The following LRRC74B variants were observed in gnomAD, a reference collection of about 807,000 sequenced individuals.
LRRC74B encodes the protein leucine-rich repeat-containing protein 74B.
In LRRC74B, 30 loss-of-function variants were observed where a neutral mutation model predicts 16.6. The ratio of observed to expected loss-of-function variants is 1.80; its 90% CI spans 1.35 to 2.45. The LOEUF is 2.45. Among genes scored for constraint, LRRC74B ranks in the 30% most tolerant of loss-of-function variants. The probability of loss-of-function intolerance (pLI) is 0.00; values close to 1 mark genes in which losing one functional copy is unlikely to be tolerated. For synonymous variants in LRRC74B, 134 were observed against 86.0 expected, an observed-to-expected ratio of 1.56 and a Z score of -3.09; for missense variants, 326 against 202.4, an observed-to-expected ratio of 1.61 and a Z score of -3.71.
downstream of LRRC74B, chr22:21,061,765 A>G (rs1472241885): frequency 1.3e-5 from 2 of 152,090 alleles, no homozygotes; most frequent in Non-Finnish European, 2.9e-5. Context: ...CCCCACAAGA[A>G]CTCGTGCATG....
At chr22:21,060,328 C>A (rs1930748956) in intron 8 of LRRC74B, 45 bp from the exon 9 acceptor site, 3 of 641,936 alleles carry the variant, frequency 4.7e-6, no homozygotes, top group South Asian at 1.8e-5. Context: ...TGGTGAAGTT[C>A]TCAGATAGTA....
intron 7 of LRRC74B, chr22:21,056,899 G>A (rs769939524): frequency 3.2e-5 from 18 of 570,446 alleles, no homozygotes; most frequent in Non-Finnish European, 5.0e-5. Flanking sequence ...TATATCAATC[G>A]GAGGCCTCTC....
chr22:21,063,950 G>T, downstream of LRRC74B: 1 of 156,998 alleles, frequency 6.4e-6, no homozygotes, highest in Non-Finnish European at 1.4e-5. Context: ...ACTCCAGCCT[G>T]GATGACAGAG....
At chr22:21,059,110 G>A (rs1268598072) in intron 8 of LRRC74B, among the ~76,000 whole-genome samples, 6 of 152,182 alleles carry the variant, frequency 3.9e-5, no homozygotes, top group African/African-American at 1.2e-4. Context: ...AAATTTGGCC[G>A]GAGTTGGTAG....
downstream of LRRC74B, chr22:21,060,673 A>G (rs1930768200): frequency 6.9e-6 from 4 of 579,900 alleles, no homozygotes; most frequent in Non-Finnish European, 1.2e-5. Context: ...GTGCTCACAC[A>G]CCTGTACCCT....
chr22:21,060,365 C>T lies in LRRC74B; in HGVS notation c.1024-8C>T. ...CAAAGTTCATCCTTGTAATGGGTGTCTCCTTAGGATATCCAGGTGAACGCA... is the reference window on the plus strand; with the variant it reads ...CAAAGTTCATCCTTGTAATGGGTGTTTCCTTAGGATATCCAGGTGAACGCA... On this transcript the variant is annotated splice_region_variant and splice_polypyrimidine_tract_variant and intron_variant, in intron 8 of 8. Coordinates refer to ENST00000442047, the Ensembl canonical transcript of LRRC74B. The T allele has an allele frequency of 1.4e-6, 1 of 701,058 alleles. No homozygotes were observed. Among genetic ancestry groups the T allele is most frequent in the Non-Finnish European group, 2.6e-6 (1 of 378,488 alleles). 43.4% of individuals were successfully genotyped at this position (701,058 alleles called of 1,614,324 possible).
downstream of LRRC74B, chr22:21,061,818 A>G (rs1385514983): frequency 6.6e-6 from 1 of 152,158 alleles, no homozygotes; most frequent in African/African-American, 2.4e-5. Context: ...AAGAGTGAAA[A>G]TGCCCACCAG....
chr22:21,051,943 C>T (rs914744259), intron 4 of LRRC74B, among the ~76,000 whole-genome samples: 5 of 152,240 alleles, frequency 3.3e-5, no homozygotes, highest in Non-Finnish European at 5.9e-5. Flanking sequence ...GCACACACCC[C>T]TGGGGAATTC....
chr22:21,060,853 A>G (rs1035324455), downstream of LRRC74B, among the ~76,000 whole-genome samples: 1 of 152,170 alleles, frequency 6.6e-6, no homozygotes, highest in African/African-American at 2.4e-5. Context: ...TCAGGAAACT[A>G]TTAAAATGTA....
intron 1 of LRRC74B, 27 bp downstream of exon 1, chr22:21,046,152 C>G (rs546846601): frequency 7.0e-6 from 5 of 715,114 alleles, no homozygotes; most frequent in Non-Finnish European, 1.3e-5. Flanking sequence ...GCAGGCCCGA[C>G]TCCTCCCCTT....
At chr22:21,058,863 C>G (rs1169338232) in intron 8 of LRRC74B, among the ~76,000 whole-genome samples, 2 of 152,202 alleles carry the variant, frequency 1.3e-5, no homozygotes, top group Non-Finnish European at 2.9e-5. Context: ...ATGCCATGGG[C>G]TTTGGAATCA....
At chr22:21,050,777 C>CAAAAAAAAAA (rs71188205) in intron 4 of LRRC74B, among the ~76,000 whole-genome samples, 6 of 104,160 alleles carry the variant, frequency 5.8e-5, no homozygotes, top group African/African-American at 2.7e-4. Context: ...GACTCTGTCT[C>CAAAAAAAAAA]AAAAAAAAAA....
At chr22:21,053,564 G>C in intron 6 of LRRC74B, 89 bp downstream of exon 6, 2 of 653,090 alleles carry the variant, frequency 3.1e-6, no homozygotes, top group South Asian at 3.5e-5. Flanking sequence ...GGGGATTCCC[G>C]TGATGGGGCT....
At chr22:21,048,582 T>G (rs1290364826) in intron 3 of LRRC74B, 16 of 319,504 alleles carry the variant, frequency 5.0e-5, no homozygotes, top group Non-Finnish European at 8.4e-5. Flanking sequence ...ACGTGCTCCA[T>G]GCATGGCCAC....
At chr22:21,048,507 G>A (rs1286842708) in intron 3 of LRRC74B, 1 of 257,502 alleles carries the variant, frequency 3.9e-6, no homozygotes, top group African/African-American at 2.2e-5. Context: ...TTATGGGCTT[G>A]GGGCTGTGGT....
At chr22:21,050,595 G>A (rs924211848) in intron 4 of LRRC74B, among the ~76,000 whole-genome samples, 2 of 151,596 alleles carry the variant, frequency 1.3e-5, no homozygotes, top group Non-Finnish European at 2.9e-5. Context: ...TGGATAACAC[G>A]GTGAAATGCC....
chr22:21,055,323 G>T (rs955328483), intron 7 of LRRC74B, 147 bp downstream of exon 7: 5 of 606,266 alleles, frequency 8.2e-6, no homozygotes, highest in Non-Finnish European at 1.5e-5. Flanking sequence ...CTGAATCTGG[G>T]GCCTGGCCCT....
intron 5 of LRRC74B, 58 bp from the exon 6 acceptor site, chr22:21,053,302 A>G: frequency 1.4e-6 from 1 of 699,164 alleles, no homozygotes; most frequent in Non-Finnish European, 2.7e-6. Flanking sequence ...AGGCTGTGGC[A>G]CCCTGGCTTG....
downstream of LRRC74B, chr22:21,063,253 C>T: frequency 6.6e-6 from 1 of 152,158 alleles, no homozygotes; most frequent in Non-Finnish European, 1.5e-5. Context: ...CCCAACTCGG[C>T]ACTTTCCTGA....
Sources: gnomAD v4.1 joint callset for allele counts (sites outside exome capture counted in the v4.1 genomes callset) on GRCh38, gnomAD v4.1.1 for gene constraint, MANE v1.5 for transcripts, NCBI Gene and HGNC (gene_info 2026-07-23, HGNC 2026-07-21) for gene names.